Variants in ATP2B2 observed in about 807,000 individuals in gnomAD.
ATP2B2 encodes the protein ATPase plasma membrane Ca2+ transporting 2.
A neutral mutation model predicts 120.0 loss-of-function variants in ATP2B2; 15 were observed. The ratio of observed to expected loss-of-function variants is 0.12; its 90% CI spans 0.08 to 0.19. ATP2B2 has a LOEUF of 0.19. ATP2B2 is among the 10% of genes least tolerant of loss of function. ATP2B2 has a pLI of 1.00. For synonymous variants in ATP2B2, 694 were observed against 700.3 expected (o/e 0.99, Z 0.14); for missense variants, 1,045 against 1,719.8 (o/e 0.61, Z 6.94).
At position 10,337,672 on chromosome 3, in the gene ATP2B2, T is replaced by G. The variant is rs201404780; in HGVS notation, c.3420+504A>C. Among the ~76,000 whole-genome samples, 11 of 152,182 alleles carry G rather than the reference T, an allele frequency of 7.2e-5. No homozygotes were observed. In the East Asian group the frequency reaches 1.7e-3, roughly 24 times the overall value. On this transcript the variant is annotated intron_variant, in intron 22 of 22. Transcript: ENST00000360273. ...GTGTGTGCTTGAGGATGACTGACCT[T>G]TGCTCCCCAGAGCCTCTCCACCCCC... is the stretch of plus-strand genomic sequence containing the variant.
chr3:10,579,032 G>C (rs1009146884), intron 2 of ATP2B2, among the ~76,000 whole-genome samples: 7 of 152,182 alleles, frequency 4.6e-5, no homozygotes, highest in African/African-American at 1.7e-4. Flanking sequence ...GTGCACTTGA[G>C]ATTTGCTCAT....
intron 1 of ATP2B2, among the ~76,000 whole-genome samples, chr3:10,631,064 C>A (rs1423563434): frequency 6.6e-6 from 1 of 152,226 alleles, no homozygotes; most frequent in Non-Finnish European, 1.5e-5. Flanking sequence ...TGGTTTGCAG[C>A]CCAGCTGCGT....
At chr3:10,512,272 T>A (rs2066776501) in intron 3 of ATP2B2, among the ~76,000 whole-genome samples, 1 of 151,972 alleles carries the variant, frequency 6.6e-6, no homozygotes, top group African/African-American at 2.4e-5. Flanking sequence ...CGACTGAGAA[T>A]GCTGTGAGCT....
At chr3:10,661,258 C>G in intron 1 of ATP2B2, among the ~76,000 whole-genome samples, 1 of 151,842 alleles carries the variant, frequency 6.6e-6, no homozygotes, top group Admixed American at 6.6e-5. Flanking sequence ...GGCAATCAGG[C>G]AGGAGAAAGA....
chr3:10,473,963 G>A (rs370052108), intron 1 of ATP2B2, among the ~76,000 whole-genome samples: 11 of 152,224 alleles, frequency 7.2e-5, no homozygotes, highest in East Asian at 5.8e-4. Context: ...ATAGATTAAC[G>A]TACTTTTCCC....
At chr3:10,585,849 C>A (rs553159085) in intron 2 of ATP2B2, among the ~76,000 whole-genome samples, 86 of 152,262 alleles carry the variant, frequency 5.6e-4, no homozygotes, top group Non-Finnish European at 8.5e-4. Flanking sequence ...TCAAAACTAA[C>A]TTCTCTATTT....
intron 1 of ATP2B2, among the ~76,000 whole-genome samples, chr3:10,655,388 C>A (rs1204167721): frequency 6.6e-6 from 1 of 152,244 alleles, no homozygotes; most frequent in East Asian, 1.9e-4. Context: ...TCCCTCCAGA[C>A]CTGCTCAATC....
rs184345975 is a variant in ATP2B2 at position 10,662,822 on chromosome 3, G to C, written c.-459-42861C>G. Among the ~76,000 whole-genome samples, 6 of 152,140 alleles carry C rather than the reference G, an allele frequency of 3.9e-5. 1 individual carries two copies. In the East Asian group the frequency reaches 1.2e-3, roughly 29 times the overall value. On this transcript the variant is annotated intron_variant, in intron 1 of 21. Transcript: ENST00000646379. ...GTTTATTGCGGCACTATTCACAATA[G>C]CAAAGACTTGGATCCAACCCAAATG...
At chr3:10,566,922 G>A (rs763919889) in intron 2 of ATP2B2, among the ~76,000 whole-genome samples, 5 of 152,182 alleles carry the variant, frequency 3.3e-5, no homozygotes, top group East Asian at 1.9e-4. Flanking sequence ...GTTCAGATAC[G>A]TACAAACAGG....
chr3:10,364,462 G>C (rs1345109279), intron 12 of ATP2B2, among the ~76,000 whole-genome samples: 1 of 152,144 alleles, frequency 6.6e-6, no homozygotes, highest in African/African-American at 2.4e-5. Context: ...TGTAATCCCA[G>C]CACTTTGGGA....
chr3:10,448,472 A>C (rs890741946), intron 2 of ATP2B2, among the ~76,000 whole-genome samples: 1 of 152,176 alleles, frequency 6.6e-6, no homozygotes, highest in South Asian at 2.1e-4. Flanking sequence ...CAGGTAACCC[A>C]AACCATGAGG....
At chr3:10,656,494 G>A (rs2125673601) in intron 1 of ATP2B2, among the ~76,000 whole-genome samples, 2 of 152,290 alleles carry the variant, frequency 1.3e-5, no homozygotes, top group Non-Finnish European at 1.5e-5. Flanking sequence ...GCTGTACCTA[G>A]ACATTCAAGG....
Position 10,343,061 on chromosome 3 carries a change from G to A in ATP2B2, c.2704-96C>T, listed in dbSNP as rs1430487271. The A allele has an allele frequency of 2.0e-5, 27 of 1,326,312 alleles. No individual in the cohort carries two copies. Among genetic ancestry groups the A allele is most frequent in the Non-Finnish European group, 2.9e-5 (27 of 938,894 alleles). The allele number at this position is 1,326,312 out of a possible 1,614,324, so 82.2% of individuals were successfully genotyped here. A position where few individuals can be genotyped will look rare whatever the true frequency, so the allele number is the denominator to read the frequency against. ...GGTGTAGTGTCCGCAGGCTCCTGCT[G>A]GAGGCTGGAGTCCGACCTGCCCCTT... On this transcript the variant is annotated intron_variant, in intron 18 of 22. Transcript: ENST00000360273. The surrounding 1 kb of genome is among the most constrained non-coding windows in gnomAD (Gnocchi z 4.2).
intron 22 of ATP2B2, chr3:10,336,433 T>C: frequency 3.2e-6 from 3 of 924,750 alleles, no homozygotes; most frequent in Non-Finnish European, 4.8e-6. Flanking sequence ...AAAACAAAAA[T>C]ACCAGACACA....
intron 5 of ATP2B2, among the ~76,000 whole-genome samples, chr3:10,396,200 A>G (rs1236777570): frequency 6.6e-6 from 1 of 152,238 alleles, no homozygotes; most frequent in East Asian, 1.9e-4. Flanking sequence ...CTTCCACACC[A>G]TACAGCACCT....
chr3:10,552,156 G>A (rs1010473220), intron 2 of ATP2B2, among the ~76,000 whole-genome samples: 3 of 152,246 alleles, frequency 2.0e-5, no homozygotes, highest in African/African-American at 7.2e-5. Context: ...CACGGCCGCC[G>A]CCTCGGTGCC....
intron 1 of ATP2B2, among the ~76,000 whole-genome samples, chr3:10,651,165 C>T (rs1321890209): frequency 6.6e-6 from 1 of 152,152 alleles, no homozygotes; most frequent in African/African-American, 2.4e-5. Flanking sequence ...TGAGTTAATG[C>T]TGAAATAAAT....
rs2067143782 is a variant in ATP2B2 at position 10,528,406 on chromosome 3, C to G, written c.-320+5633G>C. On this transcript the variant is annotated intron_variant, in intron 3 of 21. Coordinates refer to the ATP2B2 transcript ENST00000646379. ...GGGGAAAAAAGGGTAACAGAGTCCCCCACCCACCTTGCCTCTGGGCCCCAT... is the reference window on the plus strand; with the variant it reads ...GGGGAAAAAAGGGTAACAGAGTCCCGCACCCACCTTGCCTCTGGGCCCCAT... Among the ~76,000 whole-genome samples the G allele has an allele frequency of 2.6e-5, 4 of 152,152 alleles. No individual in the cohort carries two copies. In the South Asian group the frequency reaches 8.3e-4, roughly 32 times the overall value.
chr3:10,491,628 C>T (rs1008386304), intron 1 of ATP2B2, among the ~76,000 whole-genome samples: 1 of 152,156 alleles, frequency 6.6e-6, no homozygotes, highest in African/African-American at 2.4e-5. Context: ...GGGCTTCTGC[C>T]ACTTCTCATT....
Sources: gnomAD v4.1 joint callset for allele counts (sites outside exome capture counted in the v4.1 genomes callset) on GRCh38, gnomAD v4.1.1 for gene constraint, Gnocchi (gnomAD v3.1) non-coding constraint, MANE v1.5 for transcripts, NCBI Gene and HGNC (gene_info 2026-07-23, HGNC 2026-07-21) for gene names.